The following MAGI2 variants were observed in gnomAD, a reference collection of about 807,000 sequenced individuals.
MAGI2 encodes the protein membrane-associated guanylate kinase, WW and PDZ domain-containing protein 2.
Under a neutral mutation model 133.3 loss-of-function variants are expected in MAGI2, and 35 were observed. That is an observed-to-expected ratio of 0.26 (90% CI 0.20 to 0.35). MAGI2 has a LOEUF of 0.35. Ranked by LOEUF, MAGI2 falls within the 10% of genes least tolerant of loss-of-function variation. The pLI is 1.00. For synonymous variants in MAGI2, 729 were observed against 710.6 expected, an observed-to-expected ratio of 1.03 and a Z score of -0.41; for missense variants, 1,636 against 1,863.4, an observed-to-expected ratio of 0.88 and a Z score of 2.25.
chr7:78,620,631 T>C (rs756816008), intron 3 of MAGI2, among the ~76,000 whole-genome samples: 9 of 151,912 alleles, frequency 5.9e-5, no homozygotes, highest in Admixed American at 1.3e-4. Context: ...GGGTCCACGA[T>C]TATAAGAAAT....
At chr7:78,429,916 A>T (rs1387031282) in intron 6 of MAGI2, among the ~76,000 whole-genome samples, 1 of 152,136 alleles carries the variant, frequency 6.6e-6, no homozygotes, top group Non-Finnish European at 1.5e-5. Flanking sequence ...TAATTTGCCC[A>T]AGGCCACATG....
chr7:79,430,784 G>A (rs1227641180), intron 1 of MAGI2, among the ~76,000 whole-genome samples: 1 of 152,190 alleles, frequency 6.6e-6, no homozygotes, highest in African/African-American at 2.4e-5. Context: ...TCTAACAGAT[G>A]AGGACAATGG....
At chr7:79,293,869 A>C (rs997216714) in intron 1 of MAGI2, among the ~76,000 whole-genome samples, 1 of 152,184 alleles carries the variant, frequency 6.6e-6, no homozygotes, top group East Asian at 1.9e-4. Context: ...CAACGCCTTC[A>C]AACAGTACTT....
intron 2 of MAGI2, among the ~76,000 whole-genome samples, chr7:78,894,688 T>C (rs1797064147): frequency 2.0e-5 from 3 of 152,114 alleles, no homozygotes; most frequent in Admixed American, 2.0e-4. Flanking sequence ...TGATAGGCAA[T>C]ACGAACAAAT....
intron 3 of MAGI2, among the ~76,000 whole-genome samples, chr7:78,551,649 G>T (rs1211139572): frequency 6.6e-6 from 1 of 152,330 alleles, no homozygotes; most frequent in South Asian, 2.1e-4. Flanking sequence ...CCCTAAGAGG[G>T]TAACTTCTCA....
intron 2 of MAGI2, among the ~76,000 whole-genome samples, chr7:78,837,619 A>G (rs1791755070): frequency 6.6e-6 from 1 of 152,128 alleles, no homozygotes; most frequent in Non-Finnish European, 1.5e-5. Context: ...GCAACACTGA[A>G]AGATTTTATT....
intron 1 of MAGI2, among the ~76,000 whole-genome samples, chr7:79,300,953 C>A (rs1837351734): frequency 6.6e-6 from 1 of 152,364 alleles, no homozygotes; most frequent in Admixed American, 6.5e-5. Context: ...AGGGTGCAAG[C>A]CATAAGCCTT....
At chr7:79,171,985 C>A (rs1825670313) in intron 1 of MAGI2, among the ~76,000 whole-genome samples, 4 of 151,350 alleles carry the variant, frequency 2.6e-5, no homozygotes, top group Non-Finnish European at 5.9e-5. Flanking sequence ...TTAGGCCTTG[C>A]CTAATCACAT....
intron 6 of MAGI2, among the ~76,000 whole-genome samples, chr7:78,444,386 T>G (rs1307575667): frequency 6.6e-6 from 1 of 152,042 alleles, no homozygotes; most frequent in African/African-American, 2.4e-5. Context: ...CACAATTCAT[T>G]AATGGGCTTT....
intron 2 of MAGI2, among the ~76,000 whole-genome samples, chr7:79,003,333 A>C (rs1807086999): frequency 6.6e-6 from 1 of 152,184 alleles, no homozygotes; most frequent in Non-Finnish European, 1.5e-5. Flanking sequence ...GGTTGTAAGC[A>C]GAATTACTCA....
chr7:78,669,963 T>C (rs1347032464), intron 2 of MAGI2, among the ~76,000 whole-genome samples: 22 of 151,582 alleles, frequency 1.5e-4, no homozygotes, highest in Admixed American at 1.4e-3. Context: ...ACAGCCAATA[T>C]CATACTGAAT....
rs757176780 is a variant in MAGI2 at position 78,133,003 on chromosome 7, T to C, written c.3089A>G (p.Gln1030Arg). 1.1e-5 allele frequency: 17 copies of C among 1,608,004 alleles called. No homozygotes were observed. The South Asian group carries it at 1.4e-4, about 14-fold the overall frequency. ...SSEKQSPMAQ[Q>R]SPLAQQSPLA... is the part of the protein sequence containing the mutation. ...GGGACTCTGCTGTGCCAGGGGACTC[T>C]GCTGCGCCATGGGACTCTGCTTCTC... The change falls in exon 18 of 22, where the codon CAG (glutamine) becomes CGG (arginine). Residue 1030 changes from glutamine (Q) to arginine (R), a missense_variant. Gln to Arg is a conservative substitution (Grantham distance 43). Coordinates refer to ENST00000354212, the MANE Select transcript of MAGI2 (RefSeq NM_012301.4).
Position 78,783,196 on chromosome 7 carries a change from C to T in MAGI2, c.419-155957G>A, listed in dbSNP as rs549707460. 5.9e-5 allele frequency among the ~76,000 whole-genome samples: 9 copies of T among 151,900 alleles called. No individual in the cohort carries two copies. In the South Asian group the frequency reaches 6.2e-4, roughly 11 times the overall value. On this transcript the variant is annotated intron_variant, in intron 2 of 21. Coordinates refer to ENST00000354212, the MANE Select transcript of MAGI2 (RefSeq NM_012301.4). ...TGTGGGAGTTAACTGATCATGCTAT[C>T]GCTCTTCAAGATAAAATCCTCAAGG...
chr7:78,052,384 C>G (rs575212791), intron 21 of MAGI2, among the ~76,000 whole-genome samples: 2 of 152,312 alleles, frequency 1.3e-5, no homozygotes, highest in East Asian at 3.9e-4. Flanking sequence ...CACCACGTGA[C>G]TGCTGCACAG....
intron 1 of MAGI2, among the ~76,000 whole-genome samples, chr7:79,105,298 C>T (rs186147128): frequency 7.7e-4 from 117 of 152,248 alleles, no homozygotes; most frequent in Non-Finnish European, 1.5e-3. Context: ...CTTTTAGCTG[C>T]ACAACTGACT....
intron 21 of MAGI2, among the ~76,000 whole-genome samples, chr7:78,060,945 C>A (rs891303258): frequency 5.3e-5 from 8 of 152,174 alleles, no homozygotes; most frequent in Non-Finnish European, 1.0e-4. Flanking sequence ...GCAGGCAGAT[C>A]ACTTGAGGCC....
At chr7:78,267,476 T>G (rs1478908061) in intron 9 of MAGI2, among the ~76,000 whole-genome samples, 1 of 152,182 alleles carries the variant, frequency 6.6e-6, no homozygotes, top group Non-Finnish European at 1.5e-5. Flanking sequence ...TATTTCCAAT[T>G]TCAGTTTCAG....
chr7:78,105,367 C>G (rs1818580687), intron 20 of MAGI2, among the ~76,000 whole-genome samples: 1 of 151,992 alleles, frequency 6.6e-6, no homozygotes, highest in East Asian at 1.9e-4. Flanking sequence ...CAAGTATATC[C>G]CTGAGAACAG....
chr7:78,171,718 C>A (rs1262465718), intron 14 of MAGI2, among the ~76,000 whole-genome samples: 1 of 152,210 alleles, frequency 6.6e-6, no homozygotes, highest in Non-Finnish European at 1.5e-5. Flanking sequence ...AGGTCACACC[C>A]TTTTAGTCTT....
Sources: gnomAD v4.1 joint callset for allele counts (sites outside exome capture counted in the v4.1 genomes callset) on GRCh38, gnomAD v4.1.1 for gene constraint, MANE v1.5 for transcripts, NCBI Gene and HGNC (gene_info 2026-07-23, HGNC 2026-07-21) for gene names.